RPS6KA2: variants seen among roughly 807,000 people sequenced by gnomAD.
RPS6KA2 encodes the protein ribosomal protein S6 kinase alpha-2.
Under a neutral mutation model 91.8 loss-of-function variants are expected in RPS6KA2, and 42 were observed. That is an observed-to-expected ratio of 0.46 (90% CI 0.36 to 0.59). The LOEUF is 0.59. Ranked by LOEUF, RPS6KA2 falls within the 20% of genes least tolerant of loss-of-function variation. RPS6KA2 has a pLI of 0.00. For synonymous variants in RPS6KA2, 414 were observed against 393.6 expected (o/e 1.05, Z -0.61); for missense variants, 798 against 978.5 (o/e 0.82, Z 2.46).
intron 1 of RPS6KA2, among the ~76,000 whole-genome samples, chr6:166,561,103 T>C (rs1784329677): frequency 7.2e-5 from 11 of 152,092 alleles, no homozygotes; most frequent in Admixed American, 6.5e-4. Flanking sequence ...GCAAGAACAA[T>C]CATATAAACG....
chr6:166,753,510 GCTAT>G (rs969375537), intron 2 of RPS6KA2, among the ~76,000 whole-genome samples: 1 of 152,046 alleles, frequency 6.6e-6, no homozygotes, highest in African/African-American at 2.4e-5. Flanking sequence ...TTCTTCCACA[GCTAT>G]CTATTAATAC....
intron 2 of RPS6KA2, among the ~76,000 whole-genome samples, chr6:166,806,082 G>C (rs1779486371): frequency 6.6e-6 from 1 of 152,124 alleles, no homozygotes; most frequent in Non-Finnish European, 1.5e-5. Flanking sequence ...GGAACAGAAA[G>C]AAAAAGGATT....
chr6:166,648,053 C>G lies in RPS6KA2; in HGVS notation c.124-109269G>C. ...ACACACATGCTCTCACACACATGCACATGCTCACACACATGCACACGCACA... is the reference window on the plus strand; with the variant it reads ...ACACACATGCTCTCACACACATGCAGATGCTCACACACATGCACACGCACA... On this transcript the variant is annotated intron_variant, in intron 2 of 21. Coordinates refer to the RPS6KA2 transcript ENST00000503859. This position sits in a 1 kb window ranked among gnomAD's most constrained non-coding sequence, Gnocchi z 4.8. 6.6e-6 allele frequency among the ~76,000 whole-genome samples: 1 copy of G among 151,686 alleles called. No individual in the cohort carries two copies. The highest frequency in any genetic ancestry group is 2.1e-4 in the South Asian group (1 of 4,798).
intron 2 of RPS6KA2, among the ~76,000 whole-genome samples, chr6:166,722,285 C>T (rs1790197892): frequency 6.6e-6 from 1 of 152,128 alleles, no homozygotes; most frequent in African/African-American, 2.4e-5. Flanking sequence ...CTGGAGATCC[C>T]ACACACAGAA....
chr6:166,585,498 C>CTTTTTTTTTTTTTTTTTTTTTTTTTTTTT (rs58153048), intron 1 of RPS6KA2, among the ~76,000 whole-genome samples: 1 of 86,308 alleles, frequency 1.2e-5, no homozygotes, highest in Non-Finnish European at 2.0e-5. Flanking sequence ...TCAAACAAGT[C>CTTTTTTTTTTTTTTTTTTTTTTTTTTTTT]TTTTTTTTTT....
At chr6:166,609,871 G>C (rs1015925682) in intron 1 of RPS6KA2, among the ~76,000 whole-genome samples, 1 of 151,864 alleles carries the variant, frequency 6.6e-6, no homozygotes, top group Non-Finnish European at 1.5e-5. Flanking sequence ...ACTCGAAAAT[G>C]GGAAATTTAC....
intron 2 of RPS6KA2, among the ~76,000 whole-genome samples, chr6:166,535,085 G>A (rs898539360): frequency 2.3e-4 from 35 of 152,152 alleles, no homozygotes; most frequent in African/African-American, 8.4e-4. Flanking sequence ...GCTAACGCAG[G>A]CACTGTGTCT....
intron 1 of RPS6KA2, among the ~76,000 whole-genome samples, chr6:166,615,047 C>T (rs570136603): frequency 1.6e-4 from 24 of 152,304 alleles, no homozygotes; most frequent in Non-Finnish European, 2.4e-4. Context: ...TGAGCACCTG[C>T]GTCAGGGCTG....
At chr6:166,797,795 A>G (rs1048699054) in intron 2 of RPS6KA2, among the ~76,000 whole-genome samples, 1 of 152,172 alleles carries the variant, frequency 6.6e-6, no homozygotes, top group Non-Finnish European at 1.5e-5. Context: ...TAGAAAAAAT[A>G]TATCAATGTG....
chr6:166,472,442 C>T (rs1269556533), intron 10 of RPS6KA2, among the ~76,000 whole-genome samples: 1 of 152,138 alleles, frequency 6.6e-6, no homozygotes, highest in Non-Finnish European at 1.5e-5. Flanking sequence ...CCTCCTTTCC[C>T]CTAAGGTAGT....
intron 1 of RPS6KA2, among the ~76,000 whole-genome samples, chr6:166,580,395 G>T (rs181604044): frequency 2.4e-4 from 36 of 152,310 alleles, no homozygotes; most frequent in Non-Finnish European, 4.1e-4. Flanking sequence ...CAGTCTTTTG[G>T]CTTCCCTGGG....
At chr6:166,443,765 A>G (rs1456005193) in intron 14 of RPS6KA2, among the ~76,000 whole-genome samples, 5 of 152,216 alleles carry the variant, frequency 3.3e-5, no homozygotes, top group African/African-American at 1.2e-4. Context: ...TTAAGTTTGT[A>G]TAATAAATCT....
chr6:166,774,904 CTCTGAGCTGTCCTTTAT>C (rs1473663592), intron 2 of RPS6KA2, among the ~76,000 whole-genome samples: 1 of 148,530 alleles, frequency 6.7e-6, no homozygotes, highest in Non-Finnish European at 1.5e-5. Context: ...GCTTCAATAG[CTCTGAGCTGTCCTTTAT>C]TTTGGATGAG....
chr6:166,476,394 C>T (rs1780976000), intron 10 of RPS6KA2, among the ~76,000 whole-genome samples: 2 of 152,190 alleles, frequency 1.3e-5, no homozygotes, highest in Admixed American at 1.3e-4. Flanking sequence ...CACAGAGGGG[C>T]GGCCAACGAA....
Position 166,666,627 on chromosome 6 carries a change from C to T in RPS6KA2, c.124-127843G>A, listed in dbSNP as rs1388809738. On this transcript the variant is annotated intron_variant, in intron 2 of 21. Transcript: ENST00000503859. The surrounding 1 kb of genome is among the most constrained non-coding windows in gnomAD (Gnocchi z 4.0). ...AAACAAATAGCATAATGAGTGTTGGCGAGGGTGCTGAAAAATTAGAATTGT... is the reference window on the plus strand; with the variant it reads ...AAACAAATAGCATAATGAGTGTTGGTGAGGGTGCTGAAAAATTAGAATTGT... Among the ~76,000 whole-genome samples, 2 of 152,082 alleles carry T rather than the reference C, an allele frequency of 1.3e-5. No homozygotes were observed. The highest frequency in any genetic ancestry group is 2.9e-5 in the Non-Finnish European group (2 of 68,006).
chr6:166,542,638 C>T (rs886653621), intron 1 of RPS6KA2, among the ~76,000 whole-genome samples: 1 of 152,204 alleles, frequency 6.6e-6, no homozygotes, highest in Admixed American at 6.5e-5. Flanking sequence ...CAGAACTGCA[C>T]TCAAAATTCC....
At chr6:166,720,521 T>G (rs1474517673) in intron 2 of RPS6KA2, among the ~76,000 whole-genome samples, 1 of 152,128 alleles carries the variant, frequency 6.6e-6, no homozygotes, top group East Asian at 1.9e-4. Flanking sequence ...AGTCACCACC[T>G]AGAAATCTCT....
At chr6:166,465,480 G>C (rs999814936) in intron 11 of RPS6KA2, 6 of 152,362 alleles carry the variant, frequency 3.9e-5, no homozygotes, top group Non-Finnish European at 8.8e-5. Context: ...TGACTCATGA[G>C]AGAGGATCAG....
chr6:166,604,909 T>G (rs747015330), intron 1 of RPS6KA2, among the ~76,000 whole-genome samples: 1 of 152,066 alleles, frequency 6.6e-6, no homozygotes, highest in Non-Finnish European at 1.5e-5. Context: ...GCTTGACACT[T>G]AAATGTGCTT....
Sources: gnomAD v4.1 joint callset for allele counts (sites outside exome capture counted in the v4.1 genomes callset) on GRCh38, gnomAD v4.1.1 for gene constraint, Gnocchi (gnomAD v3.1) non-coding constraint, MANE v1.5 for transcripts, NCBI Gene and HGNC (gene_info 2026-07-23, HGNC 2026-07-21) for gene names.